RAD54B: variants seen among roughly 807,000 people sequenced by gnomAD.
The protein encoded by RAD54B is RAD54 homolog B.
A neutral mutation model predicts 95.8 loss-of-function variants in RAD54B; 78 were observed. The observed-to-expected ratio is 0.81, with a 90% CI of 0.68 to 0.98. The LOEUF is 0.98. Ranked by LOEUF, RAD54B falls within the 50% of genes least tolerant of loss-of-function variation. The pLI is 0.00. For missense variants in RAD54B, 957 were observed against 1,056.6 expected (o/e 0.91, Z 1.31); for synonymous variants, 328 against 354.9 (o/e 0.92, Z 0.85).
chr8:94,464,603 T>C (rs767677843), intron 2 of RAD54B, among the ~76,000 whole-genome samples: 2 of 152,120 alleles, frequency 1.3e-5, no homozygotes, highest in Non-Finnish European at 2.9e-5. Flanking sequence ...GTCATGAAAA[T>C]GTTCTAAAAT....
intron 3 of RAD54B, among the ~76,000 whole-genome samples, chr8:94,451,370 T>G (rs1452521880): frequency 1.3e-5 from 2 of 152,114 alleles, no homozygotes; most frequent in Non-Finnish European, 2.9e-5. Context: ...TATGAATCCA[T>G]AAAAATTAAT....
chr8:94,377,397 G>A (rs1481228157), intron 14 of RAD54B, among the ~76,000 whole-genome samples: 1 of 151,524 alleles, frequency 6.6e-6, no homozygotes, highest in Non-Finnish European at 1.5e-5. Context: ...TTAGCCAGGT[G>A]TGGTGGTGCA....
rs1393145275 is a variant in RAD54B, at chr8:94,372,328, T to G, written c.2575A>C (p.Lys859Gln). ...GAAAGAGGTTTCAGGGAGTTAGATTTCTGGTGATGTGGACCAAGCTGACAA... is the reference window on the plus strand; with the variant it reads ...GAAAGAGGTTTCAGGGAGTTAGATTGCTGGTGATGTGGACCAAGCTGACAA... Reference protein sequence around the residue: ...RDCQLGPHHQKSNSLKPLSMS... With the variant: ...RDCQLGPHHQQSNSLKPLSMS... Residue 859 changes from lysine to glutamine, a missense_variant, in exon 15 of 15, where the codon AAA becomes CAA. By Grantham distance (53) the Lys-to-Gln change is moderately conservative. Coordinates refer to ENST00000336148, the MANE Select transcript of RAD54B (RefSeq NM_012415.3). 1 of 1,613,854 alleles carries G rather than the reference T, an allele frequency of 6.2e-7. No homozygotes were observed. Among genetic ancestry groups the G allele is most frequent in the Admixed American group, 1.7e-5 (1 of 60,006 alleles).
chr8:94,411,017 T>C, intron 4 of RAD54B, 104 bp downstream of exon 4: 1 of 820,482 alleles, frequency 1.2e-6, no homozygotes, highest in Non-Finnish European at 1.9e-6. Context: ...CATTAAAGAA[T>C]ACCTTATCAT....
At chr8:94,436,629 T>G in intron 3 of RAD54B, 1 of 1,550,600 alleles carries the variant, frequency 6.4e-7, no homozygotes, top group Non-Finnish European at 8.7e-7. Context: ...ATAGCTCCTG[T>G]TTGGCATATT....
intron 2 of RAD54B, among the ~76,000 whole-genome samples, chr8:94,459,947 A>G (rs1812866954): frequency 6.7e-6 from 1 of 148,526 alleles, no homozygotes; most frequent in African/African-American, 2.5e-5. Context: ...TCACGAGGTC[A>G]GGAGATCGAG....
chr8:94,386,863 T>C, intron 11 of RAD54B, 121 bp downstream of exon 11: 1 of 702,354 alleles, frequency 1.4e-6, no homozygotes, highest in African/African-American at 1.8e-5. Context: ...CTAACCATAT[T>C]CCCAAAGAAG....
intron 3 of RAD54B, among the ~76,000 whole-genome samples, chr8:94,447,556 AG>A (rs1812551753): frequency 6.6e-6 from 1 of 152,220 alleles, no homozygotes; most frequent in Non-Finnish European, 1.5e-5. Context: ...CTCACTTCTA[AG>A]GAAGGAGATG....
chr8:94,459,203 A>C (rs1329739129), intron 2 of RAD54B, among the ~76,000 whole-genome samples: 2 of 151,868 alleles, frequency 1.3e-5, no homozygotes, highest in African/African-American at 2.4e-5. Flanking sequence ...CAGGCTGAAG[A>C]GTGCAGTGTC....
chr8:94,392,842 TG>T (rs1203511717), intron 9 of RAD54B, among the ~76,000 whole-genome samples: 1 of 148,266 alleles, frequency 6.7e-6, no homozygotes. Context: ...TTTTTAGTTT[TG>T]TTTTTTTTTT....
chr8:94,443,964 A>G (rs1212950028), intron 3 of RAD54B, among the ~76,000 whole-genome samples: 4 of 152,128 alleles, frequency 2.6e-5, no homozygotes, highest in Admixed American at 6.5e-5. Flanking sequence ...TAAACTGTAA[A>G]AATAAAAAAT....
intron 1 of RAD54B, among the ~76,000 whole-genome samples, chr8:94,474,140 C>T (rs1468738359): frequency 6.6e-6 from 1 of 152,144 alleles, no homozygotes; most frequent in Non-Finnish European, 1.5e-5. Flanking sequence ...TGCATGTTCT[C>T]ACTTATAAAT....
At chr8:94,457,956 T>C (rs1177853198) in intron 3 of RAD54B, among the ~76,000 whole-genome samples, 3 of 152,192 alleles carry the variant, frequency 2.0e-5, no homozygotes, top group African/African-American at 7.2e-5. Context: ...CCTATTAACA[T>C]GCTTTTTAGA....
intron 3 of RAD54B, among the ~76,000 whole-genome samples, chr8:94,419,747 CAAAA>C (rs36042247): frequency 4.3e-5 from 3 of 70,308 alleles, no homozygotes; most frequent in South Asian, 5.7e-4. Context: ...TGGCCCCCAC[CAAAA>C]AAAAAAAAAA....
chr8:94,427,596 CATCTATT>C, intron 3 of RAD54B: 1 of 440,004 alleles, frequency 2.3e-6, no homozygotes, highest in Non-Finnish European at 3.0e-6. Context: ...GTACATTGGC[CATCTATT>C]ATAACATAAT....
At chr8:94,427,861 G>A in intron 3 of RAD54B, 2 of 959,236 alleles carry the variant, frequency 2.1e-6, no homozygotes, top group Non-Finnish European at 2.5e-6. Flanking sequence ...CCAAAAGAAG[G>A]CACATGAAAA....
intron 11 of RAD54B, 26 bp from the exon 12 acceptor site, chr8:94,380,432 T>C (rs1810710770): frequency 6.4e-7 from 1 of 1,560,766 alleles, no homozygotes; most frequent in Non-Finnish European, 8.7e-7. Flanking sequence ...AAAGATTCTT[T>C]AGATAAATTT....
chr8:94,442,322 C>T (rs1223529211), intron 3 of RAD54B, among the ~76,000 whole-genome samples: 1 of 151,000 alleles, frequency 6.6e-6, no homozygotes, highest in Non-Finnish European at 1.5e-5. Flanking sequence ...GCCTGTAATC[C>T]CAGCACTTTG....
chr8:94,422,067 T>A (rs1358672158), intron 3 of RAD54B, among the ~76,000 whole-genome samples: 3 of 152,120 alleles, frequency 2.0e-5, no homozygotes, highest in Non-Finnish European at 2.9e-5. Flanking sequence ...CAACTTAAAT[T>A]TCCGATTGCC....
Sources: allele counts gnomAD v4.1 joint callset (sites outside exome capture counted in the v4.1 genomes callset), GRCh38; gene constraint gnomAD v4.1.1; transcripts MANE v1.5; gene names NCBI Gene and HGNC (gene_info 2026-07-23, HGNC 2026-07-21).